Variants in ACSBG2 observed in about 807,000 individuals in gnomAD.
ACSBG2 encodes the protein acyl-CoA synthetase bubblegum family member 2.
A neutral mutation model predicts 74.7 loss-of-function variants in ACSBG2; 62 were observed. That is an observed-to-expected ratio of 0.83 (90% CI 0.68 to 1.03). The LOEUF is 1.03. Ranked by LOEUF, ACSBG2 falls within the 50% of genes least tolerant of loss-of-function variation. ACSBG2 has a pLI of 0.00. For synonymous variants in ACSBG2, 309 were observed against 294.1 expected, an observed-to-expected ratio of 1.05 and a Z score of -0.52; for missense variants, 730 against 817.6, an observed-to-expected ratio of 0.89 and a Z score of 1.31.
chr19:6,192,294 A>C (rs1214318076), intron 14 of ACSBG2, among the ~76,000 whole-genome samples: 1 of 152,048 alleles, frequency 6.6e-6, no homozygotes, highest in African/African-American at 2.4e-5. Context: ...CTAATGTTTT[A>C]AATGTTTTTG....
intron 4 of ACSBG2, 66 bp downstream of exon 4, chr19:6,151,861 G>A: frequency 6.8e-7 from 1 of 1,468,754 alleles, no homozygotes; most frequent in South Asian, 1.2e-5. Flanking sequence ...GGGACCCCTG[G>A]GCTTGTCCAG....
chr19:6,158,180 C>T (rs560559648), intron 5 of ACSBG2, among the ~76,000 whole-genome samples: 26 of 151,994 alleles, frequency 1.7e-4, no homozygotes, highest in South Asian at 1.0e-3. Flanking sequence ...CTCAGCCTCC[C>T]GAGTAGCTGG....
At position 6,152,983 on chromosome 19, in the gene ACSBG2, C is replaced by T. The variant is rs144449810; in HGVS notation, c.386+1188C>T. 5.2e-3 allele frequency among the ~76,000 whole-genome samples: 789 copies of T among 152,290 alleles called. 6 individuals are homozygous for T. The highest frequency in any genetic ancestry group is 0.017 in the African/African-American group (726 of 41,556). The stretch of plus-strand genomic sequence containing the variant: ...ATCAGGCCGGGTGTGGTGGCTCACG[C>T]CTGTAATCCCAGCACTGTGGGAGGC... On this transcript the variant is annotated intron_variant, in intron 4 of 14. Transcript: ENST00000588485.
intron 6 of ACSBG2, chr19:6,161,623 A>G (rs1344813673): frequency 4.4e-6 from 1 of 225,508 alleles, no homozygotes; most frequent in Non-Finnish European, 9.0e-6. Context: ...CAAATGTGGT[A>G]GGTGGGGGTT....
chr19:6,181,354 AAG>A (rs1434940513), intron 8 of ACSBG2, among the ~76,000 whole-genome samples: 1 of 149,248 alleles, frequency 6.7e-6, no homozygotes, highest in Non-Finnish European at 1.5e-5. Context: ...GGAAGGAAGA[AAG>A]AAAAAGAAAG....
intron 10 of ACSBG2, 139 bp downstream of exon 10, chr19:6,183,411 A>G (rs2090318168): frequency 1.4e-6 from 1 of 720,350 alleles, no homozygotes; most frequent in Non-Finnish European, 2.3e-6. Context: ...CCAGCCTCCA[A>G]GTCCTAACTC....
At chr19:6,149,753 G>A (rs557736754) in intron 3 of ACSBG2, among the ~76,000 whole-genome samples, 10 of 151,822 alleles carry the variant, frequency 6.6e-5, no homozygotes, top group Non-Finnish European at 8.8e-5. Context: ...AGAGATCCAC[G>A]TGCCTTGGCC....
At chr19:6,141,013 T>G (rs2088807295) in intron 1 of ACSBG2, among the ~76,000 whole-genome samples, 1 of 152,208 alleles carries the variant, frequency 6.6e-6, no homozygotes, top group Admixed American at 6.5e-5. Context: ...AAATCAAGCT[T>G]TTATACTTTG....
In ACSBG2 at chr19:6,182,826, C is replaced by T. The variant is rs374130121; in HGVS notation, c.982C>T (p.His328Tyr). ...IGVPQIWEKI[H>Y]EMVKKNSAKS... is the part of the protein sequence containing the mutation. ...AGTGCCTCAAATTTGGGAGAAGATA[C>T]ATGAGATGGTGAAGAAAAATAGTGC... is the stretch of plus-strand genomic sequence containing the variant. Residue 328 changes from histidine (H) to tyrosine (Y), a missense_variant, in exon 9 of 15, where the codon CAT becomes TAT. Transcript: ENST00000588485. 93 of 1,614,004 alleles carry T rather than the reference C, an allele frequency of 5.8e-5. No homozygotes were observed. The highest frequency in any genetic ancestry group is 1.6e-4 in the Middle Eastern group (1 of 6,084).
At chr19:6,156,885 C>T (rs1362470786) in intron 5 of ACSBG2, among the ~76,000 whole-genome samples, 1 of 151,158 alleles carries the variant, frequency 6.6e-6, no homozygotes, top group Non-Finnish European at 1.5e-5. Flanking sequence ...CTGGTCTCAA[C>T]TGATCCTTCT....
intron 11 of ACSBG2, among the ~76,000 whole-genome samples, chr19:6,186,154 C>A (rs530231424): frequency 1.3e-5 from 2 of 151,230 alleles, no homozygotes; most frequent in African/African-American, 4.9e-5. Context: ...GGATAATAAT[C>A]GACAGAGTTG....
Position 6,166,019 on chromosome 19 carries a change from C to T in ACSBG2, c.738+4C>T, listed in dbSNP as rs568492029. ...AGTGATGCTCAGTCATGACAACGTA[C>T]GCCAAAGTCCCTTTGCTCTGGAGTG... On this transcript the variant is annotated splice_donor_region_variant and intron_variant, in intron 7 of 14. Transcript: ENST00000588485. 5.0e-6 allele frequency: 8 copies of T among 1,613,550 alleles called. No individual in the cohort carries two copies. Among genetic ancestry groups the T allele is most frequent in the East Asian group, 2.2e-5 (1 of 44,876 alleles).
At chr19:6,189,453 T>C (rs1034584183) in intron 13 of ACSBG2, among the ~76,000 whole-genome samples, 1 of 152,164 alleles carries the variant, frequency 6.6e-6, no homozygotes, top group African/African-American at 2.4e-5. Flanking sequence ...TCAGAGCAAG[T>C]ATGTGGCAAT....
intron 7 of ACSBG2, among the ~76,000 whole-genome samples, chr19:6,175,047 G>A (rs1354162975): frequency 1.3e-5 from 2 of 152,152 alleles, no homozygotes; most frequent in African/African-American, 2.4e-5. Context: ...GGGAAGCTCT[G>A]AACTGAGATC....
At chr19:6,139,379 C>T (rs927762386) in intron 1 of ACSBG2, among the ~76,000 whole-genome samples, 1 of 152,180 alleles carries the variant, frequency 6.6e-6, no homozygotes, top group Non-Finnish European at 1.5e-5. Flanking sequence ...GCGTGAGCCA[C>T]CGCACCTGGC....
chr19:6,185,611 C>A lies in ACSBG2; in HGVS notation c.1498C>A (p.Leu500Met), dbSNP rs545737523. ...GCTACACTCTGGGGATCTGGGCCAG[C>A]TGGACGGTCTGGGTTTCCTCTATGT... ...GWLHSGDLGQ[L>M]DGLGFLYVTG... Residue 500 changes from leucine (L) to methionine (M), a missense_variant, in exon 11 of 15, where the codon CTG becomes ATG. By Grantham distance (15) the Leu-to-Met change is conservative (BLOSUM62 2). Coordinates refer to ENST00000588485, the MANE Select transcript of ACSBG2 (RefSeq NM_030924.5). 6.2e-7 allele frequency: 1 copy of A among 1,614,178 alleles called. No homozygotes were observed. The highest frequency in any genetic ancestry group is 2.2e-5 in the East Asian group (1 of 44,880).
intron 14 of ACSBG2, 132 bp downstream of exon 14, chr19:6,190,824 C>CACAG (rs2090544968): frequency 7.4e-6 from 4 of 543,716 alleles, no homozygotes; most frequent in Non-Finnish European, 1.3e-5. Flanking sequence ...CACACACACA[C>CACAG]ACACACACAC....
chr19:6,158,983 T>C (rs575814704), intron 5 of ACSBG2, among the ~76,000 whole-genome samples: 1 of 152,244 alleles, frequency 6.6e-6, no homozygotes, highest in Non-Finnish European at 1.5e-5. Flanking sequence ...TTTTTGAGAC[T>C]GTCTCACTTT....
Position 6,172,379 on chromosome 19 carries a change from C to T in ACSBG2, c.739-4850C>T, listed in dbSNP as rs558812557. On this transcript the variant is annotated intron_variant, in intron 7 of 14. Coordinates refer to ENST00000588485, the MANE Select transcript of ACSBG2 (RefSeq NM_030924.5). ...TTTTGTATTTTTTAATTCTAGTTTC[C>T]CTTGAGGGTATGGCTGTGGTGTATG... Among the ~76,000 whole-genome samples, 6 of 152,132 alleles carry T rather than the reference C, an allele frequency of 3.9e-5. 1 individual carries two copies. In the South Asian group the frequency reaches 1.2e-3, roughly 32 times the overall value.
Sources: gnomAD v4.1 joint callset for allele counts (sites outside exome capture counted in the v4.1 genomes callset) on GRCh38, gnomAD v4.1.1 for gene constraint, MANE v1.5 for transcripts, NCBI Gene and HGNC (gene_info 2026-07-23, HGNC 2026-07-21) for gene names.